GRB10: variants seen among roughly 807,000 people sequenced by gnomAD.
GRB10 encodes growth factor receptor-bound protein 10.
In GRB10, 20 loss-of-function variants were observed where a neutral mutation model predicts 80.9. That is an observed-to-expected ratio of 0.25 (90% confidence interval 0.17 to 0.36). GRB10 has a LOEUF of 0.36. Ranked by LOEUF, GRB10 falls within the 10% of genes least tolerant of loss-of-function variation. GRB10 has a pLI of 1.00. For synonymous variants in GRB10, 291 were observed against 291.5 expected, an observed-to-expected ratio of 1.00 and a Z score of 0.02; for missense variants, 548 against 747.7, an observed-to-expected ratio of 0.73 and a Z score of 3.12.
chr7:50,718,325 GTC>G (rs2067198946), intron 4 of GRB10, among the ~76,000 whole-genome samples: 3 of 152,158 alleles, frequency 2.0e-5, no homozygotes, highest in Non-Finnish European at 2.9e-5. Flanking sequence ...CTGAATGCCA[GTC>G]AGCCATCTGC....
intron 2 of GRB10, among the ~76,000 whole-genome samples, chr7:50,771,483 T>C (rs1045261946): frequency 1.2e-4 from 19 of 152,190 alleles, no homozygotes; most frequent in Middle Eastern, 3.2e-3. Flanking sequence ...GAAAATGTCA[T>C]ATGTCCAGTA....
intron 17 of GRB10, 118 bp downstream of exon 17, chr7:50,603,880 A>C: frequency 4.4e-6 from 4 of 917,060 alleles, no homozygotes; most frequent in Non-Finnish European, 7.3e-6. Context: ...TCTCCTCTTT[A>C]AAATGAGGAC....
intron 10 of GRB10, among the ~76,000 whole-genome samples, chr7:50,616,600 A>G (rs901221982): frequency 2.0e-5 from 3 of 152,190 alleles, no homozygotes; most frequent in Non-Finnish European, 4.4e-5. Flanking sequence ...GAATTTCCCT[A>G]TAAGATAGTG....
chr7:50,653,556 C>T (rs965956113), intron 7 of GRB10, among the ~76,000 whole-genome samples: 1 of 152,208 alleles, frequency 6.6e-6, no homozygotes, highest in African/African-American at 2.4e-5. Context: ...TTAGGCTCTG[C>T]ACAACTGCCC....
chr7:50,664,617 C>T (rs972074445), intron 7 of GRB10, among the ~76,000 whole-genome samples: 3 of 152,186 alleles, frequency 2.0e-5, no homozygotes, highest in Non-Finnish European at 4.4e-5. Context: ...GGCGCTTCCT[C>T]AACTCAGAAG....
At chr7:50,621,299 G>A (rs912451200) in intron 8 of GRB10, among the ~76,000 whole-genome samples, 3 of 152,248 alleles carry the variant, frequency 2.0e-5, no homozygotes, top group Non-Finnish European at 4.4e-5. Flanking sequence ...TGGTGCCCTG[G>A]CAAAGGGGGG....
chr7:50,691,486 A>G (rs2153658627), intron 5 of GRB10, among the ~76,000 whole-genome samples: 1 of 152,350 alleles, frequency 6.6e-6, no homozygotes, highest in East Asian at 1.9e-4. Context: ...ATGGGTTAAA[A>G]TACGAAGCAT....
intron 6 of GRB10, among the ~76,000 whole-genome samples, chr7:50,673,619 C>T (rs1165525094): frequency 6.6e-6 from 1 of 152,090 alleles, no homozygotes; most frequent in Non-Finnish European, 1.5e-5. Flanking sequence ...ATCTCCCATC[C>T]GGGGGCTCCT....
intron 7 of GRB10, among the ~76,000 whole-genome samples, chr7:50,643,802 T>C (rs991061475): frequency 2.0e-5 from 3 of 152,202 alleles, no homozygotes; most frequent in Non-Finnish European, 4.4e-5. Context: ...TCTCTATATA[T>C]GTACAGGACA....
intron 7 of GRB10, among the ~76,000 whole-genome samples, chr7:50,660,785 C>G (rs17546223): frequency 1.3e-5 from 2 of 152,022 alleles, no homozygotes; most frequent in Non-Finnish European, 2.9e-5. Context: ...CTGACTCTTG[C>G]GTGCGTGAAG....
intron 7 of GRB10, among the ~76,000 whole-genome samples, chr7:50,647,647 C>T (rs960420154): frequency 2.0e-5 from 3 of 152,192 alleles, no homozygotes; most frequent in Non-Finnish European, 4.4e-5. Context: ...GGGCTGCTGG[C>T]TAAGAAGGTC....
At chr7:50,659,227 C>T (rs189524227) in intron 7 of GRB10, among the ~76,000 whole-genome samples, 8 of 152,262 alleles carry the variant, frequency 5.3e-5, no homozygotes, top group Admixed American at 4.6e-4. Flanking sequence ...AAACGATAGA[C>T]GATGCCAAAT....
At chr7:50,720,087 G>A (rs1293849857) in intron 4 of GRB10, among the ~76,000 whole-genome samples, 3 of 151,984 alleles carry the variant, frequency 2.0e-5, no homozygotes, top group African/African-American at 4.8e-5. Context: ...AAAGAAACAC[G>A]GTTTCCTACC....
chr7:50,672,055 C>T (rs2060413446), intron 6 of GRB10, among the ~76,000 whole-genome samples: 1 of 152,236 alleles, frequency 6.6e-6, no homozygotes, highest in Non-Finnish European at 1.5e-5. Context: ...CCCTTGCACT[C>T]TCAAAAGCCT....
At chr7:50,744,965 A>T (rs1262914072) in intron 3 of GRB10, among the ~76,000 whole-genome samples, 1 of 152,196 alleles carries the variant, frequency 6.6e-6, no homozygotes, top group Non-Finnish European at 1.5e-5. Flanking sequence ...GTGTTTGTGT[A>T]AGTTTTGACA....
At chr7:50,613,260 G>C (rs931082990) in intron 12 of GRB10, among the ~76,000 whole-genome samples, 3 of 152,126 alleles carry the variant, frequency 2.0e-5, no homozygotes, top group Non-Finnish European at 4.4e-5. Flanking sequence ...GTTGCCCCCA[G>C]GCCACTGAGA....
Position 50,605,368 on chromosome 7 carries a change from A to G in GRB10, c.1311T>C (p.Phe437=). The part of the protein sequence containing the change: ...VSENSLVAMD[F]SGQTGRVIEN... ...CTATCACGCGTCCTGTTTGCCCAGA[A>G]AAATCCATTGCCACGAGGGAGTTCT... Residue 437 remains phenylalanine (F), a synonymous_variant, in exon 15 of 19, where the codon TTT becomes TTC. Transcript: ENST00000401949. 6.2e-7 allele frequency: 1 copy of G among 1,614,246 alleles called. No individual in the cohort carries two copies. Among genetic ancestry groups the G allele is most frequent in the South Asian group, 1.1e-5 (1 of 91,078 alleles).
intron 7 of GRB10, among the ~76,000 whole-genome samples, chr7:50,657,227 ATG>A (rs911935671): frequency 6.6e-6 from 1 of 152,260 alleles, no homozygotes; most frequent in African/African-American, 2.4e-5. Flanking sequence ...CTCTGGGCAG[ATG>A]GAAAGAGCTG....
rs374442331 is a variant in GRB10, at chr7:50,674,477, C to A, written c.321G>T (p.Gln107His). 1.9e-5 allele frequency: 31 copies of A among 1,608,074 alleles called. No individual in the cohort carries two copies. The highest frequency in any genetic ancestry group is 2.5e-5 in the Non-Finnish European group (30 of 1,180,008). Residue 107 changes from glutamine (Q) to histidine (H), a missense_variant, in exon 6 of 19, where the codon CAG (glutamine) becomes CAT (histidine). Gln to His is a conservative substitution (Grantham distance 24, BLOSUM62 0). Around this residue, in one of 4 missense-constraint regions of GRB10, gnomAD observed 245 missense variants for 229.3 expected, o/e 1.07. Coordinates refer to ENST00000401949, the MANE Select transcript of GRB10 (RefSeq NM_001350814.2). The stretch of plus-strand genomic sequence containing the variant: ...GCACAGGCTGGGAGCGCTGCACCCT[C>A]TGCCTCGGGGACACCTGTGGCTGGA... ...RSIQPQVSPR[Q>H]RVQRSQPVHI...
Sources: allele counts gnomAD v4.1 joint callset (sites outside exome capture counted in the v4.1 genomes callset), GRCh38; gene constraint gnomAD v4.1.1; regional missense constraint gnomAD v4.1.1; transcripts MANE v1.5; gene names NCBI Gene and HGNC (gene_info 2026-07-23, HGNC 2026-07-21).